The following CHID1 variants were observed in gnomAD, a reference collection of about 807,000 sequenced individuals.
CHID1 encodes chitinase domain-containing protein 1.
CHID1 carries 44 observed loss-of-function variants against 55.4 expected under a neutral mutation model. The ratio of observed to expected loss-of-function variants is 0.79; its 90% confidence interval spans 0.62 to 1.02. CHID1 has a LOEUF of 1.02. CHID1 is among the 50% of genes least tolerant of loss of function. CHID1 has a pLI of 0.00. For synonymous variants in CHID1, 216 were observed against 212.9 expected, an observed-to-expected ratio of 1.01 and a Z score of -0.13; for missense variants, 491 against 515.3, an observed-to-expected ratio of 0.95 and a Z score of 0.46.
chr11:870,294 G>C, intron 11 of CHID1, 125 bp downstream of exon 11: 1 of 1,368,952 alleles, frequency 7.3e-7, no homozygotes. Context: ...GTGCTCCAGG[G>C]CCGGGAGCAG....
intron 10 of CHID1, among the ~76,000 whole-genome samples, chr11:873,324 C>T (rs1565160749): frequency 6.6e-6 from 1 of 152,084 alleles, no homozygotes; most frequent in Non-Finnish European, 1.5e-5. Flanking sequence ...AGTGGCCATC[C>T]AGGCTGGTAA....
chr11:915,039 A>T (rs1321576989), upstream of CHID1: 1 of 160,278 alleles, frequency 6.2e-6, no homozygotes, highest in Non-Finnish European at 1.4e-5. Flanking sequence ...GAAGCCCAGG[A>T]AGAGAGGGAC....
At chr11:877,120 C>G (rs976167423) in intron 10 of CHID1, among the ~76,000 whole-genome samples, 1 of 152,186 alleles carries the variant, frequency 6.6e-6, no homozygotes, top group East Asian at 1.9e-4. Flanking sequence ...CACACAGACC[C>G]CAACTTGTGC....
At position 883,774 on chromosome 11, in the gene CHID1, G is replaced by A. The variant is rs951140897; in HGVS notation, c.803+294C>T. Among the ~76,000 whole-genome samples, 43 of 152,258 alleles carry A rather than the reference G, an allele frequency of 2.8e-4. 1 individual carries two copies. Among genetic ancestry groups the A allele is most frequent in the Admixed American group, 2.5e-3 (38 of 15,290 alleles). On this transcript the variant is annotated intron_variant, in intron 9 of 12. Coordinates refer to ENST00000323578, the MANE Select transcript of CHID1 (RefSeq NM_023947.4). ...CACACGGCCCTCCCACAACAGTGTG[G>A]CTCAGGCGAAAGAGGACAGGGCGGC...
intron 7 of CHID1, among the ~76,000 whole-genome samples, chr11:895,776 G>A (rs1851226402): frequency 6.6e-6 from 1 of 152,142 alleles, no homozygotes; most frequent in Admixed American, 6.5e-5. Context: ...GTCAGAGGCA[G>A]GACTGTGCTG....
At chr11:899,269 T>C in intron 7 of CHID1, 71 bp downstream of exon 7, 1 of 1,469,390 alleles carries the variant, frequency 6.8e-7, no homozygotes, top group Middle Eastern at 2.2e-4. Flanking sequence ...AAACCCCTGG[T>C]CTTTCCTCCA....
At chr11:912,054 G>A (rs1852725220), upstream of CHID1, among the ~76,000 whole-genome samples, 1 of 152,260 alleles carries the variant, frequency 6.6e-6, no homozygotes, top group Non-Finnish European at 1.5e-5. Context: ...CGATCGGGCA[G>A]CCGCCGCCTT....
At chr11:878,398 G>A (rs942227971) in intron 10 of CHID1, among the ~76,000 whole-genome samples, 3 of 151,408 alleles carry the variant, frequency 2.0e-5, no homozygotes, top group East Asian at 3.9e-4. Context: ...TGGGGACTCC[G>A]TCTCAAAAAA....
chr11:903,464 G>T (rs1333082883), intron 2 of CHID1, among the ~76,000 whole-genome samples: 2 of 152,242 alleles, frequency 1.3e-5, no homozygotes, highest in African/African-American at 4.8e-5. Context: ...GCACTCCAGG[G>T]CCATACGCTT....
chr11:912,123 A>G (rs868399093), upstream of CHID1, among the ~76,000 whole-genome samples: 1 of 152,108 alleles, frequency 6.6e-6, no homozygotes, highest in Admixed American at 6.5e-5. Flanking sequence ...GGCGTTCGAC[A>G]CCAGCCTGGC....
At chr11:872,362 T>C (rs1293548704) in intron 10 of CHID1, among the ~76,000 whole-genome samples, 1 of 152,198 alleles carries the variant, frequency 6.6e-6, no homozygotes, top group Non-Finnish European at 1.5e-5. Context: ...TTCTCCATGT[T>C]AGTCATGCTG....
intron 1 of CHID1, among the ~76,000 whole-genome samples, chr11:909,759 T>A (rs1852509468): frequency 6.6e-6 from 1 of 152,226 alleles, no homozygotes; most frequent in African/African-American, 2.4e-5. Context: ...CCTAGCACTT[T>A]GGGAGGCCAG....
chr11:914,721 C>CAA (rs367978475), upstream of CHID1: 131 of 283,120 alleles, frequency 4.6e-4, no homozygotes, highest in Middle Eastern at 1.2e-3. Context: ...GACCCTGTCT[C>CAA]AAAAAAAAAA....
At chr11:907,278 G>A (rs1038118455) in intron 1 of CHID1, among the ~76,000 whole-genome samples, 1 of 152,120 alleles carries the variant, frequency 6.6e-6, no homozygotes. Context: ...TCAGGAGATC[G>A]AGACCATCCT....
chr11:913,935 G>A (rs1048667144), upstream of CHID1, among the ~76,000 whole-genome samples: 4 of 151,920 alleles, frequency 2.6e-5, no homozygotes, highest in African/African-American at 9.7e-5. Context: ...GGACGTGGTG[G>A]TGTGCACCTG....
intron 8 of CHID1, among the ~76,000 whole-genome samples, chr11:891,744 G>A (rs1485486518): frequency 6.6e-6 from 1 of 152,202 alleles, no homozygotes; most frequent in Non-Finnish European, 1.5e-5. Flanking sequence ...TGAGACAGGT[G>A]CTGTCAGCTC....
chr11:886,094 T>G (rs1262584003), intron 8 of CHID1, among the ~76,000 whole-genome samples: 1 of 134,446 alleles, frequency 7.4e-6, no homozygotes, highest in African/African-American at 2.9e-5. Flanking sequence ...AAGCTTACAG[T>G]GAGCCGAGAT....
At chr11:886,147 T>G (rs1245785403) in intron 8 of CHID1, among the ~76,000 whole-genome samples, 1 of 59,740 alleles carries the variant, frequency 1.7e-5, no homozygotes, top group African/African-American at 6.7e-5. Context: ...CAAGACTCCG[T>G]CTCAAAAAAA....
In CHID1 at chr11:872,159, C is replaced by T. The variant is rs926004332; in HGVS notation, c.960-1660G>A. Among the ~76,000 whole-genome samples, 15 of 152,274 alleles carry T rather than the reference C, an allele frequency of 9.9e-5. No individual in the cohort carries two copies. The East Asian group carries it at 1.4e-3, about 14-fold the overall frequency. On this transcript the variant is annotated intron_variant, in intron 10 of 12. Coordinates refer to ENST00000323578, the MANE Select transcript of CHID1 (RefSeq NM_023947.4). The stretch of plus-strand genomic sequence containing the variant: ...CCCAACCCAGACAGTTTCCCTTAGA[C>T]GCCTGTTTCTGTTTTTTTGAGACAA...
Sources: allele counts gnomAD v4.1 joint callset (sites outside exome capture counted in the v4.1 genomes callset), GRCh38; gene constraint gnomAD v4.1.1; transcripts MANE v1.5; gene names NCBI Gene and HGNC (gene_info 2026-07-23, HGNC 2026-07-21).